The following ABRAXAS1 variants were observed in gnomAD, a reference collection of about 807,000 sequenced individuals.
ABRAXAS1 encodes the protein BRCA1-A complex subunit Abraxas 1.
A neutral mutation model predicts 38.4 loss-of-function variants in ABRAXAS1; 26 were observed. The ratio of observed to expected loss-of-function variants is 0.68; its 90% CI spans 0.50 to 0.94. ABRAXAS1 has a LOEUF of 0.94. ABRAXAS1 is among the 40% of genes least tolerant of loss of function. The pLI is 0.00. For missense variants in ABRAXAS1, 438 were observed against 481.9 expected (o/e 0.91, Z 0.85); for synonymous variants, 144 against 165.5 (o/e 0.87, Z 1.00).
chr4:83,468,939 T>C (rs1722480855), intron 6 of ABRAXAS1, 93 bp downstream of exon 6: 2 of 1,445,288 alleles, frequency 1.4e-6, no homozygotes, highest in African/African-American at 2.8e-5. Flanking sequence ...GGATTAATTT[T>C]CCCTTGAATT....
At chr4:83,477,966 G>T in intron 2 of ABRAXAS1, 1 of 916,678 alleles carries the variant, frequency 1.1e-6, no homozygotes, top group Non-Finnish European at 1.8e-6. Context: ...CAGGCTCAAG[G>T]AAGTTTGTTC....
At chr4:83,469,381 A>T (rs533717544) in intron 5 of ABRAXAS1, 34 of 430,636 alleles carry the variant, frequency 7.9e-5, no homozygotes, top group African/African-American at 5.7e-4. Flanking sequence ...TGGTGCGATC[A>T]TGGCTCAATA....
rs1723019683 is a variant in ABRAXAS1 at position 83,482,163 on chromosome 4, A to G, written c.169T>C (p.Tyr57His). ...DSQMDDVEVVYTIDIQKYIPC... is the reference protein window; with the variant it reads ...DSQMDDVEVVHTIDIQKYIPC... Reference sequence around the variant, plus strand: ...GAAATAAATAACTCACCAATTGTATAAACAACTTCAACATCATCCATTTGG... The same window carrying G: ...GAAATAAATAACTCACCAATTGTATGAACAACTTCAACATCATCCATTTGG... Residue 57 changes from tyrosine to histidine, a missense_variant, in exon 2 of 9, where the codon TAT becomes CAT. Physicochemically the swap from Tyr to His is moderately conservative, Grantham distance 83. Around this residue, in one of 3 missense-constraint regions of ABRAXAS1, gnomAD observed 194 missense variants for 269.0 expected, o/e 0.72. Coordinates refer to ENST00000321945, the MANE Select transcript of ABRAXAS1 (RefSeq NM_139076.3). 6.2e-7 allele frequency: 1 copy of G among 1,602,698 alleles called. No individual in the cohort carries two copies. Among genetic ancestry groups the G allele is most frequent in the Non-Finnish European group, 8.5e-7 (1 of 1,172,484 alleles).
Position 83,470,232 on chromosome 4 carries a change from C to T in ABRAXAS1, c.447G>A (p.Leu149=), listed in dbSNP as rs758037982. The part of the protein sequence containing the change: ...IITESCSTHR[L]EHSLYKPQKG... Reference sequence around the variant, plus strand: ...TTTGAGGTTTATATAAGGAATGTTCCAGTCGATGAGTAGAGCAGCTTTCTG... The same window carrying T: ...TTTGAGGTTTATATAAGGAATGTTCTAGTCGATGAGTAGAGCAGCTTTCTG... The change falls in exon 5 of 9, where the codon CTG becomes CTA. Residue 149 remains leucine, a synonymous_variant. Transcript: ENST00000321945. 3.7e-6 allele frequency: 6 copies of T among 1,613,154 alleles called. No homozygotes were observed. In the East Asian group the frequency reaches 1.3e-4, roughly 36 times the overall value.
Position 83,459,848 on chromosome 4 carries a change from ATCTATT to A in ABRAXAS1, c.*2615_*2620del, listed in dbSNP as rs757063565. 1 of 1,425,838 alleles carries A rather than the reference ATCTATT, an allele frequency of 7.0e-7. No homozygotes were observed. Among genetic ancestry groups the A allele is most frequent in the East Asian group, 2.3e-5 (1 of 42,938 alleles). The allele number at this position is 1,425,838 out of a possible 1,614,324, so 88.3% of individuals were successfully genotyped here. On this transcript the variant is annotated 3_prime_UTR_variant, in exon 9 of 9. Transcript: ENST00000321945. ...ATAAATGTAGATACGAATTATATCA[ATCTATT>A]TCTATCATTTAAGAAAACTCAAATT...
chr4:83,467,631 G>T, intron 6 of ABRAXAS1, 93 bp from the exon 7 acceptor site: 1 of 701,654 alleles, frequency 1.4e-6, no homozygotes. Flanking sequence ...CAATAGAAGA[G>T]TCTTTTTACT....
At position 83,463,529 on chromosome 4, in the gene ABRAXAS1, AT is replaced by A. The variant is rs1560571350; in HGVS notation, c.760del (p.Ile254LeufsTer48). 6 of 1,611,076 alleles carry A rather than the reference AT, an allele frequency of 3.7e-6. No homozygotes were observed. The highest frequency in any genetic ancestry group is 4.2e-6 in the Non-Finnish European group (5 of 1,179,162). ...VKDVNRLKRE[I>X]EKRRGAQIQA... is the part of the protein sequence containing the mutation. ...AATCTGTGCTCCTCTCCTTTTCTCA[AT>A]TTCTCGTTTTAATCTGTTTACATCC... is the stretch of plus-strand genomic sequence containing the variant. On this transcript the variant is annotated frameshift_variant, in exon 8 of 9. Transcript: ENST00000321945. LOFTEE classifies it low-confidence loss of function (END_TRUNC).
intron 2 of ABRAXAS1, chr4:83,477,627 G>T (rs1722826977): frequency 3.9e-6 from 2 of 507,880 alleles, no homozygotes; most frequent in East Asian, 9.7e-5. Context: ...CTTTCCCCAT[G>T]GACCTTGCCA....
At chr4:83,478,057 T>C (rs1446305245) in intron 2 of ABRAXAS1, 4 of 948,798 alleles carry the variant, frequency 4.2e-6, no homozygotes, top group Admixed American at 1.7e-5. Context: ...TGGTTCCAAC[T>C]GCTCAGCATG....
chr4:83,470,777 G>A (rs1722551408), intron 4 of ABRAXAS1, among the ~76,000 whole-genome samples: 1 of 152,008 alleles, frequency 6.6e-6, no homozygotes, highest in African/African-American at 2.4e-5. Context: ...TAAATTAATC[G>A]CCTGTATGGA....
At chr4:83,480,765 G>A (rs1289303954) in intron 2 of ABRAXAS1, among the ~76,000 whole-genome samples, 1 of 152,122 alleles carries the variant, frequency 6.6e-6, no homozygotes, top group Non-Finnish European at 1.5e-5. Context: ...AGAAACAGCT[G>A]ATTATAACAT....
At chr4:83,481,986 T>A (rs1454305889) in intron 2 of ABRAXAS1, among the ~76,000 whole-genome samples, 168 bp downstream of exon 2, 1 of 152,118 alleles carries the variant, frequency 6.6e-6, no homozygotes, top group Non-Finnish European at 1.5e-5. Flanking sequence ...CAACCTCAGG[T>A]AATCCGCCTC....
intron 5 of ABRAXAS1, 114 bp downstream of exon 5, chr4:83,470,089 C>T (rs1178845065): frequency 2.2e-5 from 16 of 712,266 alleles, no homozygotes; most frequent in East Asian, 1.2e-4. Flanking sequence ...TGAAGGTTAT[C>T]GTGACAATCT....
rs548053265 is a variant in ABRAXAS1 at position 83,459,979 on chromosome 4, T to C, written c.*2490A>G. 2 of 506,720 alleles carry C rather than the reference T, an allele frequency of 3.9e-6. No homozygotes were observed. The highest frequency in any genetic ancestry group is 7.6e-5 in the Admixed American group (2 of 26,260). The allele number at this position is 506,720 out of a possible 1,614,324, so 31.4% of individuals were successfully genotyped here. ...TAGGCCAAGAGGATTATTATTTTGC[T>C]GTCTTATGCAGAGTTAACTATATAG... is the stretch of plus-strand genomic sequence containing the variant. On this transcript the variant is annotated 3_prime_UTR_variant, in exon 9 of 9. Transcript: ENST00000321945.
chr4:83,477,982 G>A, intron 2 of ABRAXAS1: 1 of 957,078 alleles, frequency 1.0e-6, no homozygotes, highest in Non-Finnish European at 1.7e-6. Flanking sequence ...TGTTCCAAGG[G>A]AGCATGATTG....
chr4:83,470,531 G>T (rs572536976), intron 4 of ABRAXAS1, 135 bp from the exon 5 acceptor site: 36 of 577,908 alleles, frequency 6.2e-5, no homozygotes, highest in East Asian at 3.0e-5. Flanking sequence ...TATAAACAAA[G>T]AATACATTTA....
intron 8 of ABRAXAS1, 66 bp downstream of exon 8, chr4:83,463,428 G>A (rs186204843): frequency 1.8e-5 from 21 of 1,196,806 alleles, no homozygotes; most frequent in Middle Eastern, 2.9e-4. Context: ...GCGAGACTCC[G>A]TCTCAAAAAT....
intron 6 of ABRAXAS1, 33 bp downstream of exon 6, chr4:83,468,999 T>C (rs1722482682): frequency 6.3e-7 from 1 of 1,595,974 alleles, no homozygotes. Flanking sequence ...CAAAGATGAA[T>C]AGAAGTTTTG....
chr4:83,471,936 C>G (rs1274148666), intron 4 of ABRAXAS1, among the ~76,000 whole-genome samples: 1 of 151,898 alleles, frequency 6.6e-6, no homozygotes, highest in Non-Finnish European at 1.5e-5. Context: ...GATTAGGTCA[C>G]AGAATAAATG....
Sources: gnomAD v4.1 joint callset for allele counts (sites outside exome capture counted in the v4.1 genomes callset) on GRCh38, gnomAD v4.1.1 for gene constraint, gnomAD v4.1.1 regional missense constraint, MANE v1.5 for transcripts, NCBI Gene and HGNC (gene_info 2026-07-23, HGNC 2026-07-21) for gene names.